SEPTIN6: variants seen among roughly 807,000 people sequenced by gnomAD.
SEPTIN6 encodes the protein septin 6.
SEPTIN6 carries 8 observed loss-of-function variants against 33.6 expected under a neutral mutation model. That is an observed-to-expected ratio of 0.24 (90% CI 0.14 to 0.43). SEPTIN6 has a LOEUF of 0.43. SEPTIN6 is among the 20% of genes least tolerant of loss of function. SEPTIN6 has a pLI of 1.00. For synonymous variants in SEPTIN6, 131 were observed against 140.0 expected, an observed-to-expected ratio of 0.94 and a Z score of 0.45; for missense variants, 250 against 340.8, an observed-to-expected ratio of 0.73 and a Z score of 2.10.
Position 119,618,040 on chromosome X carries a change from T to G in SEPTIN6, c.*2053A>C, listed in dbSNP as rs2053692983. ...CCGGTTGGTTGTTTAAGCGTGAATTTCTGGGAAAGCAGCTCTGAAGCTGGA... is the reference window on the plus strand; with the variant it reads ...CCGGTTGGTTGTTTAAGCGTGAATTGCTGGGAAAGCAGCTCTGAAGCTGGA... On this transcript the variant is annotated 3_prime_UTR_variant, in exon 11 of 11. Coordinates refer to ENST00000394610, the MANE Select transcript of SEPTIN6 (RefSeq NM_145799.4). 3 of 804,942 alleles carry G rather than the reference T, an allele frequency of 3.7e-6. No individual in the cohort carries two copies. The highest frequency in any genetic ancestry group is 2.2e-5 in the African/African-American group (1 of 45,544). 66.3% of individuals were successfully genotyped at this position (804,942 alleles called of 1,213,427 possible).
chrX:119,693,078 C>G lies in SEPTIN6; in HGVS notation c.28G>C (p.Val10Leu). The G allele has an allele frequency of 1.7e-6, 2 of 1,174,237 alleles. No homozygotes were observed. The highest frequency in any genetic ancestry group is 2.3e-6 in the Non-Finnish European group (2 of 876,446). ...TGGCACCCAAGCTCTGCACTTACCA[C>G]CTGGCGAGCTATATCGGTCGCTGCC... MAATDIARQ[V>L]GEGCRTVPLA... Residue 10 changes from valine to leucine, a missense_variant and splice_region_variant, in exon 1 of 11, where the codon GTG becomes CTG. Physicochemically the swap from Val to Leu is conservative, Grantham distance 32. Around this residue, in one of 2 missense-constraint regions of SEPTIN6, gnomAD observed 111 missense variants for 113.8 expected, o/e 0.98. Coordinates refer to ENST00000394610, the MANE Select transcript of SEPTIN6 (RefSeq NM_145799.4).
chrX:119,648,512 C>T (rs1306087219), intron 5 of SEPTIN6, among the ~76,000 whole-genome samples: 1 of 111,583 alleles, frequency 9.0e-6, no homozygotes, highest in Non-Finnish European at 1.9e-5. Context: ...AGGACAAGTG[C>T]TAATCTTTTT....
intron 2 of SEPTIN6, among the ~76,000 whole-genome samples, chrX:119,674,336 G>A (rs1603349381): frequency 9.1e-6 from 1 of 110,232 alleles, no homozygotes; most frequent in East Asian, 2.8e-4. Context: ...ACCGTGCCCG[G>A]CTAATTTTGT....
At chrX:119,634,357 A>G (rs2054019053) in intron 7 of SEPTIN6, among the ~76,000 whole-genome samples, 2 of 101,255 alleles carry the variant, frequency 2.0e-5, no homozygotes, top group Admixed American at 1.1e-4. Context: ...TGACAGAGTG[A>G]GACTCCATCT....
intron 2 of SEPTIN6, among the ~76,000 whole-genome samples, chrX:119,667,356 C>T (rs959904578): frequency 9.1e-6 from 1 of 110,399 alleles, no homozygotes; most frequent in Non-Finnish European, 1.9e-5. Context: ...GAATGGGGGC[C>T]GGGCAGGGCA....
intron 2 of SEPTIN6, among the ~76,000 whole-genome samples, chrX:119,670,010 T>C (rs2054713723): frequency 1.8e-5 from 2 of 111,865 alleles, no homozygotes; most frequent in African/African-American, 6.5e-5. Flanking sequence ...ATGAGTCTCT[T>C]TGGGGCTTGT....
chrX:119,621,254 T>C (rs1297192091), intron 10 of SEPTIN6, among the ~76,000 whole-genome samples: 1 of 109,854 alleles, frequency 9.1e-6, no homozygotes, highest in African/African-American at 3.3e-5. Flanking sequence ...TACCTGAAAA[T>C]GTGAACTATG....
At chrX:119,632,009 C>T (rs1302439398) in intron 8 of SEPTIN6, among the ~76,000 whole-genome samples, 1 of 110,230 alleles carries the variant, frequency 9.1e-6, no homozygotes, top group Non-Finnish European at 1.9e-5. Context: ...GATCCACCCA[C>T]CTCGACCTCC....
chrX:119,674,523 T>C (rs1255019040), intron 2 of SEPTIN6, among the ~76,000 whole-genome samples: 2 of 111,919 alleles, frequency 1.8e-5, no homozygotes, highest in Non-Finnish European at 3.8e-5. Context: ...ATTTGTTTGA[T>C]TGGTGCTCAG....
intron 2 of SEPTIN6, among the ~76,000 whole-genome samples, chrX:119,671,312 G>A (rs977613286): frequency 2.9e-4 from 31 of 106,088 alleles, no homozygotes; most frequent in Non-Finnish European, 5.5e-4. Context: ...TTTTGAGACG[G>A]AATCTCACTC....
At chrX:119,668,739 G>A (rs1010481219) in intron 2 of SEPTIN6, among the ~76,000 whole-genome samples, 4 of 111,687 alleles carry the variant, frequency 3.6e-5, no homozygotes, top group Non-Finnish European at 7.5e-5. Context: ...GATCAGTTGA[G>A]GCCAGGAATT....
chrX:119,632,639 T>C (rs1363376083), intron 8 of SEPTIN6, among the ~76,000 whole-genome samples: 1 of 110,995 alleles, frequency 9.0e-6, no homozygotes, highest in Non-Finnish European at 1.9e-5. Context: ...TCTTTTTTTT[T>C]GTTTTTGAGA....
At chrX:119,633,630 C>G in intron 7 of SEPTIN6, 138 bp from the exon 8 acceptor site, 1 of 801,412 alleles carries the variant, frequency 1.2e-6, no homozygotes, top group Non-Finnish European at 1.7e-6. Flanking sequence ...AACCACAAAG[C>G]TGTGGGCACC....
intron 6 of SEPTIN6, among the ~76,000 whole-genome samples, chrX:119,640,270 C>T (rs1216740992): frequency 1.9e-5 from 2 of 106,088 alleles, no homozygotes; most frequent in East Asian, 2.9e-4. Flanking sequence ...CCGCCCGCCT[C>T]GGCCTCCCAA....
chrX:119,628,111 CCTCT>C (rs1328424117), intron 9 of SEPTIN6, among the ~76,000 whole-genome samples: 1 of 107,673 alleles, frequency 9.3e-6, no homozygotes, highest in African/African-American at 3.4e-5. Context: ...TCTTTTTGTT[CCTCT>C]CTTTCTTTTC....
chrX:119,619,533 A>G lies in SEPTIN6; in HGVS notation c.*560T>C. ...GGCTGGACTCAAAGGTTAGAAGGAA[A>G]AGGCGCCAAAGGCTGTCCTTTTGAA... On this transcript the variant is annotated 3_prime_UTR_variant, in exon 11 of 11. Coordinates refer to ENST00000394610, the MANE Select transcript of SEPTIN6 (RefSeq NM_145799.4). The G allele has an allele frequency of 1.2e-6, 1 of 816,715 alleles. No individual in the cohort carries two copies. The highest frequency in any genetic ancestry group is 1.5e-6 in the Non-Finnish European group (1 of 678,242). The allele number at this position is 816,715 out of a possible 1,213,427, so 67.3% of individuals were successfully genotyped here.
intron 1 of SEPTIN6, among the ~76,000 whole-genome samples, 170 bp downstream of exon 1, chrX:119,692,906 G>C (rs2055202909): frequency 8.9e-6 from 1 of 112,453 alleles, no homozygotes; most frequent in African/African-American, 3.2e-5. Flanking sequence ...ACCGTTTTCC[G>C]GGACAGGCTG....
chrX:119,642,996 C>A (rs2054181112), intron 5 of SEPTIN6, among the ~76,000 whole-genome samples: 1 of 110,951 alleles, frequency 9.0e-6, no homozygotes, highest in African/African-American at 3.3e-5. Context: ...TTTCATCAGT[C>A]CTGGGAGGGG....
chrX:119,688,984 C>G (rs1556618), intron 1 of SEPTIN6, among the ~76,000 whole-genome samples: 18,091 of 110,276 alleles, frequency 0.16, 1,115 homozygotes, highest in South Asian at 0.27. Flanking sequence ...GTAACTGCCA[C>G]GTGATGATAG....
Sources: gnomAD v4.1 joint callset for allele counts (sites outside exome capture counted in the v4.1 genomes callset) on GRCh38, gnomAD v4.1.1 for gene constraint, gnomAD v4.1.1 regional missense constraint, MANE v1.5 for transcripts, NCBI Gene and HGNC (gene_info 2026-07-23, HGNC 2026-07-21) for gene names.